The following TMEM108 variants were observed in gnomAD, a reference collection of about 807,000 sequenced individuals.
The protein encoded by TMEM108 is transmembrane protein 108.
Under a neutral mutation model 35.1 loss-of-function variants are expected in TMEM108, and 12 were observed. The ratio of observed to expected loss-of-function variants is 0.34; its 90% confidence interval spans 0.22 to 0.55. The LOEUF (loss-of-function observed/expected upper bound fraction) is 0.55, where lower values mean the gene tolerates loss of function less well. Among genes scored for constraint, TMEM108 ranks in the 20% least tolerant of loss-of-function variants. TMEM108 has a pLI of 0.89. For synonymous variants in TMEM108, 287 were observed against 308.6 expected, an observed-to-expected ratio of 0.93 and a Z score of 0.73; for missense variants, 680 against 753.3, an observed-to-expected ratio of 0.90 and a Z score of 1.14.
intron 2 of TMEM108, among the ~76,000 whole-genome samples, chr3:133,168,379 T>C (rs1451582852): frequency 6.6e-6 from 1 of 152,088 alleles, no homozygotes; most frequent in Admixed American, 6.5e-5. Flanking sequence ...CATCTTCACA[T>C]GGCGGAAGGC....
rs1945220331 is a variant in TMEM108, at chr3:133,175,987, C to T, written c.-46-53279C>T. On this transcript the variant is annotated intron_variant, in intron 2 of 5. Coordinates refer to ENST00000321871, the MANE Select transcript of TMEM108 (RefSeq NM_023943.4). ...AAGGGATGGAGGAAGATCTACCAAG[C>T]AAATGGAAAACAAAAAAAGGCAGCG... 2.0e-5 allele frequency among the ~76,000 whole-genome samples: 3 copies of T among 152,112 alleles called. No individual in the cohort carries two copies. The South Asian group carries it at 6.2e-4, about 32-fold the overall frequency.
At chr3:133,134,753 A>G (rs1172058410) in intron 2 of TMEM108, among the ~76,000 whole-genome samples, 4 of 151,970 alleles carry the variant, frequency 2.6e-5, no homozygotes, top group Admixed American at 6.6e-5. Flanking sequence ...CTCAGCAGGT[A>G]TTTTTTCATC....
At chr3:133,269,644 A>G (rs562884391) in intron 3 of TMEM108, among the ~76,000 whole-genome samples, 4 of 152,304 alleles carry the variant, frequency 2.6e-5, no homozygotes, top group Middle Eastern at 3.4e-3. Context: ...TTGGTTTCCA[A>G]TGAGTTATTG....
intron 2 of TMEM108, among the ~76,000 whole-genome samples, chr3:133,097,195 G>A (rs994448665): frequency 3.3e-5 from 5 of 152,108 alleles, no homozygotes; most frequent in African/African-American, 1.2e-4. Flanking sequence ...TGTGGTGTTT[G>A]GTATTTAAAG....
intron 3 of TMEM108, among the ~76,000 whole-genome samples, chr3:133,352,269 C>A (rs1322101529): frequency 6.6e-6 from 1 of 152,096 alleles, no homozygotes; most frequent in African/African-American, 2.4e-5. Flanking sequence ...AAGTTTCAAC[C>A]CTTTTACTAG....
intron 2 of TMEM108, among the ~76,000 whole-genome samples, chr3:133,105,895 G>A (rs1375698860): frequency 6.6e-6 from 1 of 152,094 alleles, no homozygotes; most frequent in Non-Finnish European, 1.5e-5. Flanking sequence ...GTACCCCATG[G>A]GCAGTGGGTA....
At chr3:133,133,770 A>G (rs1944525249) in intron 2 of TMEM108, among the ~76,000 whole-genome samples, 1 of 149,910 alleles carries the variant, frequency 6.7e-6, no homozygotes, top group South Asian at 2.1e-4. Flanking sequence ...GGCTCACTGC[A>G]AACTCTGCCT....
At chr3:133,168,603 A>C (rs1945079926) in intron 2 of TMEM108, among the ~76,000 whole-genome samples, 1 of 152,072 alleles carries the variant, frequency 6.6e-6, no homozygotes, top group South Asian at 2.1e-4. Context: ...ACCAATCAGC[A>C]CTCTGTAAAA....
chr3:133,310,530 CTTTTTTTTTTTTTT>C (rs59215786), intron 3 of TMEM108, among the ~76,000 whole-genome samples: 5 of 22,250 alleles, frequency 2.2e-4, no homozygotes, highest in African/African-American at 4.6e-4. Flanking sequence ...GCAACCCCTG[CTTTTTTTTTTTTTT>C]TTTTTTTTTT....
chr3:133,244,103 T>A (rs1015026805), intron 3 of TMEM108, among the ~76,000 whole-genome samples: 1 of 152,186 alleles, frequency 6.6e-6, no homozygotes, highest in African/African-American at 2.4e-5. Flanking sequence ...TAATCTCGGA[T>A]CTCTCAGTCA....
At chr3:133,042,715 AATTTATAG>A (rs1228590704) in intron 1 of TMEM108, among the ~76,000 whole-genome samples, 7 of 152,202 alleles carry the variant, frequency 4.6e-5, no homozygotes, top group African/African-American at 1.4e-4. Flanking sequence ...TAACCTTCTC[AATTTATAG>A]ACAGCTCAGT....
intron 2 of TMEM108, among the ~76,000 whole-genome samples, chr3:133,216,193 C>A (rs1945905868): frequency 6.6e-6 from 1 of 151,944 alleles, no homozygotes; most frequent in Non-Finnish European, 1.5e-5. Flanking sequence ...TTTTCTGACA[C>A]CATAGACATT....
intron 2 of TMEM108, among the ~76,000 whole-genome samples, chr3:133,161,994 G>A (rs146440442): frequency 3.4e-4 from 51 of 152,210 alleles, no homozygotes; most frequent in African/African-American, 1.0e-3. Flanking sequence ...TGGGGGTGGT[G>A]GAAATGAGGT....
intron 2 of TMEM108, among the ~76,000 whole-genome samples, chr3:133,202,685 G>A (rs1394050383): frequency 6.6e-6 from 1 of 152,114 alleles, no homozygotes; most frequent in Non-Finnish European, 1.5e-5. Context: ...ATGCTATTTT[G>A]GTTACTGTAG....
At chr3:133,175,742 T>G (rs948905290) in intron 2 of TMEM108, among the ~76,000 whole-genome samples, 12 of 152,286 alleles carry the variant, frequency 7.9e-5, no homozygotes, top group Non-Finnish European at 1.3e-4. Context: ...AGACCATCAA[T>G]GCTAGGAAGA....
intron 2 of TMEM108, among the ~76,000 whole-genome samples, chr3:133,081,139 C>G (rs1269496585): frequency 6.6e-6 from 1 of 152,244 alleles, no homozygotes; most frequent in African/African-American, 2.4e-5. Context: ...CATTTCTCAT[C>G]TGGACGTTTC....
At chr3:133,132,697 T>G (rs1425962857) in intron 2 of TMEM108, among the ~76,000 whole-genome samples, 1 of 152,174 alleles carries the variant, frequency 6.6e-6, no homozygotes. Flanking sequence ...TCTTATTATT[T>G]AAGAAATTCA....
At chr3:133,145,431 A>C (rs1944704320) in intron 2 of TMEM108, among the ~76,000 whole-genome samples, 1 of 152,028 alleles carries the variant, frequency 6.6e-6, no homozygotes, top group African/African-American at 2.4e-5. Context: ...GCTTAGGATT[A>C]TCTTGGCTAT....
intron 3 of TMEM108, among the ~76,000 whole-genome samples, chr3:133,259,655 C>A (rs1481256029): frequency 1.3e-5 from 2 of 152,114 alleles, no homozygotes; most frequent in Non-Finnish European, 2.9e-5. Flanking sequence ...ATAATGGGTT[C>A]AAGGAAATAG....
Sources: gnomAD v4.1 joint callset for allele counts (sites outside exome capture counted in the v4.1 genomes callset) on GRCh38, gnomAD v4.1.1 for gene constraint, MANE v1.5 for transcripts, NCBI Gene and HGNC (gene_info 2026-07-23, HGNC 2026-07-21) for gene names.